Variants in ATP2C2 observed in about 807,000 individuals in gnomAD.
ATP2C2 encodes calcium-transporting ATPase type 2C member 2.
Under a neutral mutation model 110.8 loss-of-function variants are expected in ATP2C2, and 171 were observed. That is an observed-to-expected ratio of 1.54 (90% confidence interval 1.36 to 1.75). ATP2C2 has a LOEUF of 1.75. ATP2C2 is among the 40% of genes most tolerant of loss of function. ATP2C2 has a pLI of 0.00. For missense variants in ATP2C2, 1,963 were observed against 1,235.0 expected, an observed-to-expected ratio of 1.59 and a Z score of -8.84; for synonymous variants, 804 against 508.4, an observed-to-expected ratio of 1.58 and a Z score of -7.82.
At chr16:84,436,712 C>A (rs1269067223) in intron 11 of ATP2C2, among the ~76,000 whole-genome samples, 1 of 151,874 alleles carries the variant, frequency 6.6e-6, no homozygotes, top group Non-Finnish European at 1.5e-5. Flanking sequence ...CGGCCAACCT[C>A]CCTCACCTGC....
At chr16:84,448,357 G>A (rs534865312) in intron 16 of ATP2C2, among the ~76,000 whole-genome samples, 176 bp from the exon 17 acceptor site, 54 of 152,294 alleles carry the variant, frequency 3.5e-4, no homozygotes, top group African/African-American at 1.2e-3. Flanking sequence ...TCCATGGATG[G>A]ATTCTAGAAC....
chr16:84,447,873 T>C (rs1337529582), intron 16 of ATP2C2, among the ~76,000 whole-genome samples: 1 of 139,634 alleles, frequency 7.2e-6, no homozygotes, highest in African/African-American at 2.6e-5. Flanking sequence ...CATTAATATG[T>C]TAATTACATA....
intron 11 of ATP2C2, among the ~76,000 whole-genome samples, chr16:84,434,701 A>G (rs1251653347): frequency 2.0e-5 from 3 of 151,592 alleles, no homozygotes; most frequent in East Asian, 3.9e-4. Flanking sequence ...GTATTTTGGT[A>G]GAGACGGGGT....
At chr16:84,435,495 C>A (rs1298768015) in intron 11 of ATP2C2, among the ~76,000 whole-genome samples, 1 of 152,182 alleles carries the variant, frequency 6.6e-6, no homozygotes, top group Non-Finnish European at 1.5e-5. Context: ...TACTGTATAC[C>A]TCCTTGCTTT....
chr16:84,407,663 G>C (rs1303608076), intron 3 of ATP2C2, among the ~76,000 whole-genome samples: 2 of 152,024 alleles, frequency 1.3e-5, no homozygotes, highest in Non-Finnish European at 2.9e-5. Context: ...GTAAAGATGG[G>C]ATTTTGCTGT....
At chr16:84,428,476 G>A (rs1342881204) in intron 11 of ATP2C2, among the ~76,000 whole-genome samples, 1 of 152,188 alleles carries the variant, frequency 6.6e-6, no homozygotes, top group African/African-American at 2.4e-5. Flanking sequence ...TACTGTGTCT[G>A]GCTTTGGATA....
At chr16:84,421,187 C>A (rs17741642) in intron 7 of ATP2C2, among the ~76,000 whole-genome samples, 1 of 152,060 alleles carries the variant, frequency 6.6e-6, no homozygotes, top group African/African-American at 2.4e-5. Flanking sequence ...TCCTCAGCAT[C>A]GCTCAGTGAC....
intron 1 of ATP2C2, among the ~76,000 whole-genome samples, chr16:84,397,671 A>AAAAAAAAAAAAAAAAAAAAAAC: frequency 1.4e-5 from 2 of 139,412 alleles, no homozygotes; most frequent in East Asian, 4.1e-4. Flanking sequence ...AAAAAAAAAA[A>AAAAAAAAAAAAAAAAAAAAAAC]AACTTGCTTA....
chr16:84,445,122 G>A (rs16973812), intron 15 of ATP2C2, among the ~76,000 whole-genome samples: 10,400 of 152,116 alleles, frequency 0.068, 672 homozygotes, highest in African/African-American at 0.17. Context: ...TCCTTGACTC[G>A]CAGACGCATC....
chr16:84,445,295 G>A (rs1392175175), intron 15 of ATP2C2, among the ~76,000 whole-genome samples: 5 of 149,248 alleles, frequency 3.4e-5, no homozygotes, highest in East Asian at 2.0e-4. Context: ...TGCAACCTCC[G>A]CCTCCCAGGT....
At chr16:84,403,410 A>G (rs1053520857) in intron 2 of ATP2C2, among the ~76,000 whole-genome samples, 4 of 152,164 alleles carry the variant, frequency 2.6e-5, no homozygotes, top group Middle Eastern at 6.8e-3. Context: ...GGCTTAAGCA[A>G]TCGTCCTGCC....
chr16:84,408,482 C>T lies in ATP2C2; in HGVS notation c.405C>T (p.Val135=). 3.1e-6 allele frequency: 5 copies of T among 1,613,118 alleles called. No individual in the cohort carries two copies. The highest frequency in any genetic ancestry group is 4.2e-6 in the Non-Finnish European group (5 of 1,179,928). ...SVLTKEYEDA[V]SIATAVLVVV... ...TCACCAAGGAGTATGAGGACGCCGT[C>T]AGCATCGCCACGGTGAGTTCCCTGA... is the stretch of plus-strand genomic sequence containing the variant. The change falls in exon 4 of 27, where the codon GTC becomes GTT. Residue 135 remains valine (V), a synonymous_variant. Coordinates refer to ENST00000262429, the MANE Select transcript of ATP2C2 (RefSeq NM_014861.4).
In ATP2C2 at chr16:84,440,894, G is replaced by A. The variant is rs1489346097; in HGVS notation, c.1247G>A (p.Cys416Tyr). 1 of 1,613,630 alleles carries A rather than the reference G, an allele frequency of 6.2e-7. No individual in the cohort carries two copies. Among genetic ancestry groups the A allele is most frequent in the Non-Finnish European group, 8.5e-7 (1 of 1,179,968 alleles). ...GGGTATGACGGTCAAGGGACTGTGT[G>A]TCTTCTACCATCCAAGGAAGTCATT... is the stretch of plus-strand genomic sequence containing the variant. ...GVGYDGQGTVCLLPSKEVIKE... is the reference protein window; with the variant it reads ...GVGYDGQGTVYLLPSKEVIKE... The change falls in exon 14 of 27, where the codon TGT (cysteine) becomes TAT (tyrosine). Residue 416 changes from cysteine to tyrosine, a missense_variant. Physicochemically the swap from Cys to Tyr is radical, Grantham distance 194 (BLOSUM62 -2). Coordinates refer to ENST00000262429, the MANE Select transcript of ATP2C2 (RefSeq NM_014861.4).
At chr16:84,385,330 G>C (rs1406103934) in intron 1 of ATP2C2, among the ~76,000 whole-genome samples, 1 of 152,184 alleles carries the variant, frequency 6.6e-6, no homozygotes, top group Admixed American at 6.5e-5. Context: ...TAAGGGGATA[G>C]TGCTCAACTA....
chr16:84,411,153 T>A (rs1298260698), intron 6 of ATP2C2, among the ~76,000 whole-genome samples: 1 of 152,102 alleles, frequency 6.6e-6, no homozygotes, highest in Admixed American at 6.5e-5. Context: ...GAGAGTGAGA[T>A]CCAGGTCTTT....
chr16:84,384,541 C>G (rs1450848249), intron 1 of ATP2C2, among the ~76,000 whole-genome samples: 1 of 152,128 alleles, frequency 6.6e-6, no homozygotes. Context: ...GCCAGGTTTC[C>G]CTTAATTAAA....
intron 2 of ATP2C2, among the ~76,000 whole-genome samples, chr16:84,400,322 G>GT (rs1249570974): frequency 1.4e-3 from 191 of 133,454 alleles, no homozygotes; most frequent in African/African-American, 4.3e-3. Flanking sequence ...TGTATTTTTA[G>GT]TTTTTTGTTG....
intron 11 of ATP2C2, among the ~76,000 whole-genome samples, chr16:84,428,844 C>G (rs902143091): frequency 1.3e-5 from 2 of 152,190 alleles, no homozygotes; most frequent in Non-Finnish European, 2.9e-5. Flanking sequence ...TAGCTTTAAA[C>G]AACCTATAAA....
At chr16:84,432,408 C>T (rs1024775547) in intron 11 of ATP2C2, among the ~76,000 whole-genome samples, 2 of 152,070 alleles carry the variant, frequency 1.3e-5, no homozygotes, top group African/African-American at 4.8e-5. Flanking sequence ...ATGCATTAGG[C>T]ATTTGGCCTA....
Sources: gnomAD v4.1 joint callset for allele counts (sites outside exome capture counted in the v4.1 genomes callset) on GRCh38, gnomAD v4.1.1 for gene constraint, MANE v1.5 for transcripts, NCBI Gene and HGNC (gene_info 2026-07-23, HGNC 2026-07-21) for gene names.